EXOC1: variants seen among roughly 807,000 people sequenced by gnomAD.
EXOC1 encodes exocyst complex component 1.
In EXOC1, 67 loss-of-function variants were observed where a neutral mutation model predicts 107.7. The observed-to-expected ratio is 0.62, with a 90% CI of 0.51 to 0.76. EXOC1 has a LOEUF of 0.76. Ranked by LOEUF, EXOC1 falls within the 30% of genes least tolerant of loss-of-function variation. EXOC1 has a pLI of 0.00. For missense variants in EXOC1, 833 were observed against 1,055.7 expected (o/e 0.79, Z 2.92); for synonymous variants, 348 against 353.5 (o/e 0.98, Z 0.17).
In EXOC1 at chr4:55,888,924, A is replaced by C. The variant is rs1164138202; in HGVS notation, c.1367A>C (p.Glu456Ala). 6.2e-7 allele frequency: 1 copy of C among 1,613,668 alleles called. No homozygotes were observed. Among genetic ancestry groups the C allele is most frequent in the South Asian group, 1.1e-5 (1 of 91,064 alleles). Residue 456 changes from glutamate (E) to alanine (A), a missense_variant, in exon 11 of 19, where the codon GAA becomes GCA. Glu to Ala is a moderately radical substitution (Grantham distance 107, BLOSUM62 -1). Coordinates refer to ENST00000381295, the MANE Select transcript of EXOC1 (RefSeq NM_001024924.2). ...LPRKESAVKQ[E>A]TESLHGSSGK... ...CGAAAAGAAAGTGCTGTCAAACAGG[A>C]AACAGAGAGTGAGTATGCTTAGTGT... is the stretch of plus-strand genomic sequence containing the variant.
chr4:55,862,618 C>T (rs955352574), intron 3 of EXOC1, among the ~76,000 whole-genome samples: 1 of 152,062 alleles, frequency 6.6e-6, no homozygotes, highest in Non-Finnish European at 1.5e-5. Context: ...CGCTTCAATT[C>T]TGTTTATTAA....
At chr4:55,856,873 T>C (rs1721018604) in intron 1 of EXOC1, among the ~76,000 whole-genome samples, 1 of 152,164 alleles carries the variant, frequency 6.6e-6, no homozygotes, top group South Asian at 2.1e-4. Context: ...TTGAGTGATT[T>C]TTGGCATATT....
At chr4:55,859,076 A>G (rs1721241121) in intron 2 of EXOC1, among the ~76,000 whole-genome samples, 1 of 152,116 alleles carries the variant, frequency 6.6e-6, no homozygotes, top group African/African-American at 2.4e-5. Flanking sequence ...GGTGTGTGTG[A>G]GCATTTCTGG....
At position 55,864,270 on chromosome 4, in the gene EXOC1, G is replaced by C. The variant is rs1721755314; in HGVS notation, c.299G>C (p.Trp100Ser). The C allele has an allele frequency of 6.3e-7, 1 of 1,599,440 alleles. No homozygotes were observed. Among genetic ancestry groups the C allele is most frequent in the African/African-American group, 1.3e-5 (1 of 74,468 alleles). ...FDLHFEKIYKWVASSTAEKNA... is the reference protein window; with the variant it reads ...FDLHFEKIYKSVASSTAEKNA... ...TTACACTTTGAAAAAATATATAAAT[G>C]GGTTGCCAGCAGCACTGCTGAAAAG... is the stretch of plus-strand genomic sequence containing the variant. Residue 100 changes from tryptophan (W) to serine (S), a missense_variant, in exon 4 of 19, where the codon TGG becomes TCG. Physicochemically the swap from Trp to Ser is radical, Grantham distance 177 (BLOSUM62 -3). Coordinates refer to ENST00000381295, the MANE Select transcript of EXOC1 (RefSeq NM_001024924.2).
chr4:55,898,732 T>C (rs1725537998), intron 16 of EXOC1, among the ~76,000 whole-genome samples: 1 of 152,210 alleles, frequency 6.6e-6, no homozygotes, highest in South Asian at 2.1e-4. Flanking sequence ...TTTTTGAAGC[T>C]GCTGGACTCT....
chr4:55,876,269 T>C (rs1382440271), intron 8 of EXOC1: 1 of 985,334 alleles, frequency 1.0e-6, no homozygotes, highest in Non-Finnish European at 1.2e-6. Context: ...AAGATGTGAT[T>C]GTTTTATATT....
chr4:55,884,184 T>C (rs1316222723), intron 10 of EXOC1, among the ~76,000 whole-genome samples: 1 of 152,196 alleles, frequency 6.6e-6, no homozygotes, highest in Non-Finnish European at 1.5e-5. Flanking sequence ...ATATATATAT[T>C]CATAAGAACA....
rs781697685 is a variant in EXOC1, at chr4:55,870,822, G to C, written c.748G>C (p.Asp250His). ...GCTCCAAAGTGTAAAAGAACAAATG[G>C]ATCAGATCTCTGAAAGCAACCACCT... ...EMLQSVKEQMDQISESNHLIH... is the reference protein window; with the variant it reads ...EMLQSVKEQMHQISESNHLIH... The change falls in exon 6 of 19, where the codon GAT (aspartate) becomes CAT (histidine). Residue 250 changes from aspartate (D) to histidine (H), a missense_variant. Asp to His is a moderately conservative substitution (Grantham distance 81, BLOSUM62 -1). This residue lies in a region of EXOC1 where 617 missense variants were observed against 701.3 expected (regional missense o/e 0.88). Coordinates refer to ENST00000381295, the MANE Select transcript of EXOC1 (RefSeq NM_001024924.2). The C allele has an allele frequency of 1.9e-6, 3 of 1,613,772 alleles. No homozygotes were observed. Among genetic ancestry groups the C allele is most frequent in the East Asian group, 2.2e-5 (1 of 44,806 alleles).
At chr4:55,880,222 G>A (rs1340037284) in intron 9 of EXOC1, among the ~76,000 whole-genome samples, 1 of 151,210 alleles carries the variant, frequency 6.6e-6, no homozygotes, top group East Asian at 1.9e-4. Flanking sequence ...CTGGCTCTTG[G>A]ACTTCTAAAC....
intron 3 of EXOC1, among the ~76,000 whole-genome samples, chr4:55,863,615 A>C (rs2110319953): frequency 6.6e-6 from 1 of 152,340 alleles, no homozygotes; most frequent in South Asian, 2.1e-4. Context: ...CTGTCTCAAA[A>C]AAATAAAGAA....
In EXOC1 at chr4:55,870,736, T is replaced by C. The variant is rs1722350746; in HGVS notation, c.662T>C (p.Leu221Pro). The part of the protein sequence containing the change: ...EKQVNILMKL[L>P]DEALKEVDQI... ...CAAGTCAACATCCTGATGAAATTGC[T>C]AGATGAGGCTCTAAAGGAGGTAGAT... The change falls in exon 6 of 19, where the codon CTA (leucine) becomes CCA (proline). Residue 221 changes from leucine (L) to proline (P), a missense_variant. Around this residue, in one of 2 missense-constraint regions of EXOC1, gnomAD observed 617 missense variants for 701.3 expected, o/e 0.88. Coordinates refer to ENST00000381295, the MANE Select transcript of EXOC1 (RefSeq NM_001024924.2). The C allele has an allele frequency of 1.2e-6, 2 of 1,613,834 alleles. No homozygotes were observed. The highest frequency in any genetic ancestry group is 1.7e-6 in the Non-Finnish European group (2 of 1,179,920).
In EXOC1 at chr4:55,860,510, T is replaced by C. The variant is rs765610018; in HGVS notation, c.224T>C (p.Leu75Pro). 9 of 1,614,068 alleles carry C rather than the reference T, an allele frequency of 5.6e-6. No homozygotes were observed. The highest frequency in any genetic ancestry group is 3.3e-4 in the Middle Eastern group (2 of 6,062). The change falls in exon 3 of 19, where the codon CTT (leucine) becomes CCT (proline). Residue 75 changes from leucine (L) to proline (P), a missense_variant. Leu to Pro is a moderately conservative substitution (Grantham distance 98). This residue lies in a region of EXOC1 where 617 missense variants were observed against 701.3 expected (regional missense o/e 0.88). Coordinates refer to ENST00000381295, the MANE Select transcript of EXOC1 (RefSeq NM_001024924.2). ...CAGATTGCATGGGCCCTTCGAGATC[T>C]TGCTGTGGTAGATGCCAAAGATGCT... The part of the protein sequence containing the change: ...KRQIAWALRD[L>P]AVVDAKDAIK...
chr4:55,863,570 C>T (rs1470587571), intron 3 of EXOC1, among the ~76,000 whole-genome samples: 1 of 152,110 alleles, frequency 6.6e-6, no homozygotes, highest in African/African-American at 2.4e-5. Flanking sequence ...CATGATTGCA[C>T]CACTGCATTG....
chr4:55,875,171 A>T (rs1722775824), intron 8 of EXOC1, among the ~76,000 whole-genome samples: 1 of 152,202 alleles, frequency 6.6e-6, no homozygotes, highest in Admixed American at 6.5e-5. Flanking sequence ...TTTTCTCTCA[A>T]CATACATATA....
chr4:55,884,124 T>C (rs775579385), intron 10 of EXOC1, among the ~76,000 whole-genome samples, 196 bp downstream of exon 10: 9 of 152,232 alleles, frequency 5.9e-5, no homozygotes, highest in Non-Finnish European at 1.3e-4. Context: ...TTAATTAAAA[T>C]TCTGCAGTAT....
At chr4:55,878,150 T>G in intron 9 of EXOC1, 84 bp downstream of exon 9, 5 of 1,443,592 alleles carry the variant, frequency 3.5e-6, no homozygotes, top group Non-Finnish European at 3.8e-6. Context: ...TCCCCAAGTT[T>G]AAAATACTGT....
Position 55,883,829 on chromosome 4 carries a change from A to T in EXOC1, c.1231A>T (p.Met411Leu). ...GKYEGLTKNYMDYLSRLYERE... is the reference protein window; with the variant it reads ...GKYEGLTKNYLDYLSRLYERE... ...ATGTTACTTTTATTTTAAGAATTAC[A>T]TGGATTATTTATCCCGACTATATGA... is the stretch of plus-strand genomic sequence containing the variant. Residue 411 changes from methionine (M) to leucine (L), a missense_variant, in exon 10 of 19, where the codon ATG becomes TTG. Transcript: ENST00000381295. 2 of 1,570,582 alleles carry T rather than the reference A, an allele frequency of 1.3e-6. No homozygotes were observed. Among genetic ancestry groups the T allele is most frequent in the Non-Finnish European group, 1.7e-6 (2 of 1,157,246 alleles).
rs1434080906 is a variant in EXOC1 at position 55,893,832 on chromosome 4, A to G, written c.1953+52A>G. The G allele has an allele frequency of 2.9e-6, 4 of 1,385,454 alleles. No individual in the cohort carries two copies. The South Asian group carries it at 5.0e-5, about 17-fold the overall frequency. The allele number at this position is 1,385,454 out of a possible 1,614,324, so 85.8% of individuals were successfully genotyped here. On this transcript the variant is annotated intron_variant, in intron 15 of 18. Coordinates refer to ENST00000381295, the MANE Select transcript of EXOC1 (RefSeq NM_001024924.2). ...CTTAGCATCCTAGTCATTGCAAAAT[A>G]TAGGTAAATGTATTTAAAATCGAGG...
intron 11 of EXOC1, among the ~76,000 whole-genome samples, chr4:55,889,257 T>G (rs1436579384): frequency 6.6e-6 from 1 of 152,220 alleles, no homozygotes; most frequent in Non-Finnish European, 1.5e-5. Flanking sequence ...AAGCCAAAGT[T>G]TATCTTTAAT....
Sources: allele counts gnomAD v4.1 joint callset (sites outside exome capture counted in the v4.1 genomes callset), GRCh38; gene constraint gnomAD v4.1.1; regional missense constraint gnomAD v4.1.1; transcripts MANE v1.5; gene names NCBI Gene and HGNC (gene_info 2026-07-23, HGNC 2026-07-21).